Variants in RUNX3 observed in about 807,000 individuals in gnomAD.
RUNX3 encodes runt-related transcription factor 3.
A neutral mutation model predicts 27.7 loss-of-function variants in RUNX3; 10 were observed. The ratio of observed to expected loss-of-function variants is 0.36; its 90% CI spans 0.22 to 0.61. The LOEUF (loss-of-function observed/expected upper bound fraction) is 0.61, where lower values mean the gene tolerates loss of function less well. Ranked by LOEUF, RUNX3 falls within the 20% of genes least tolerant of loss-of-function variation. RUNX3 has a pLI of 0.72. For synonymous variants in RUNX3, 270 were observed against 269.2 expected (o/e 1.00, Z -0.03); for missense variants, 469 against 629.5 (o/e 0.75, Z 2.73).
At chr1:24,907,998 T>TAAACCTCTACAACACGCGGTGATCC (rs1557837107) in intron 3 of RUNX3, among the ~76,000 whole-genome samples, 1 of 139,072 alleles carries the variant, frequency 7.2e-6, no homozygotes, top group Non-Finnish European at 1.6e-5. Context: ...CGCGGTGATC[T>TAAACCTCTACAACACGCGGTGATCC]AAACCTCTAC....
Position 24,952,871 on chromosome 1 carries a change from A to T in RUNX3, c.58+11643T>A, listed in dbSNP as rs1248065859. Among the ~76,000 whole-genome samples, 4 of 152,354 alleles carry T rather than the reference A, an allele frequency of 2.6e-5. No homozygotes were observed. In the East Asian group the frequency reaches 5.8e-4, roughly 22 times the overall value. On this transcript the variant is annotated intron_variant, in intron 2 of 6. Transcript: ENST00000338888. ...CTAAACCCCACATTCGTTCTTCTGT[A>T]TGTTGACTGGAAAAGTAAAAATAGA... is the stretch of plus-strand genomic sequence containing the variant.
chr1:24,914,149 T>C (rs1640843463), intron 3 of RUNX3, among the ~76,000 whole-genome samples: 1 of 152,230 alleles, frequency 6.6e-6, no homozygotes, highest in Admixed American at 6.5e-5. Flanking sequence ...CTGGGTCACC[T>C]GGCCGTAAGG....
upstream of RUNX3, among the ~76,000 whole-genome samples, chr1:24,932,464 A>G (rs1158028794): frequency 9.2e-5 from 14 of 152,162 alleles, 1 homozygote; most frequent in Middle Eastern, 3.4e-3. Context: ...CGGCCGGGCT[A>G]CAGATGCGCG....
At position 24,904,301 on chromosome 1, in the gene RUNX3, G is replaced by A. The variant is rs1001142199; in HGVS notation, c.704-1635C>T. Among the ~76,000 whole-genome samples, 1 of 152,246 alleles carries A rather than the reference G, an allele frequency of 6.6e-6. No individual in the cohort carries two copies. Among genetic ancestry groups the A allele is most frequent in the African/African-American group, 2.4e-5 (1 of 41,466 alleles). ...GACTTGGAACTTCTCGGGGCTTTGG[G>A]GTCTTCCCAAGTCAGCTGGGGTATG... On this transcript the variant is annotated intron_variant, in intron 4 of 4. Coordinates refer to ENST00000308873, the MANE Select transcript of RUNX3 (RefSeq NM_004350.3). The surrounding 1 kb of genome is among the most constrained non-coding windows in gnomAD (Gnocchi z 5.7).
chr1:24,920,251 T>G (rs999109168), intron 2 of RUNX3, among the ~76,000 whole-genome samples: 1 of 152,012 alleles, frequency 6.6e-6, no homozygotes, highest in African/African-American at 2.4e-5. Context: ...AAAATGAAAG[T>G]GACCTTCTGT....
At chr1:24,937,730 G>T (rs1340765553) in intron 2 of RUNX3, among the ~76,000 whole-genome samples, 1 of 152,232 alleles carries the variant, frequency 6.6e-6, no homozygotes, top group African/African-American at 2.4e-5. Context: ...TGAGGCCAGA[G>T]AAGTGAAGGT....
chr1:24,926,161 C>T (rs111802397), intron 2 of RUNX3, among the ~76,000 whole-genome samples: 3,488 of 152,292 alleles, frequency 0.023, 49 homozygotes, highest in Non-Finnish European at 0.038. Flanking sequence ...GCAGACCTGG[C>T]CACTGCCCCG....
chr1:24,953,321 G>A (rs1446087808), intron 2 of RUNX3, among the ~76,000 whole-genome samples: 3 of 122,766 alleles, frequency 2.4e-5, no homozygotes, highest in Admixed American at 2.1e-4. Flanking sequence ...GTGCGATTGC[G>A]CCACTGCACG....
At chr1:24,947,507 A>G (rs1392578259) in intron 2 of RUNX3, among the ~76,000 whole-genome samples, 1 of 152,096 alleles carries the variant, frequency 6.6e-6, no homozygotes, top group Non-Finnish European at 1.5e-5. Flanking sequence ...AGCTCACCAC[A>G]AGCAGCCAAG....
In RUNX3 at chr1:24,929,233, C is replaced by T. The variant is rs190085162; in HGVS notation, c.282+354G>A. ...TCGCACCCCACCCGCGGTGTCCTTGCCCCTGTCCCGGGATCCTCTTCTCCG... is the reference window on the plus strand; with the variant it reads ...TCGCACCCCACCCGCGGTGTCCTTGTCCCTGTCCCGGGATCCTCTTCTCCG... On this transcript the variant is annotated intron_variant, in intron 1 of 4. Transcript: ENST00000308873. 170 of 537,432 alleles carry T rather than the reference C, an allele frequency of 3.2e-4. No homozygotes were observed. In the East Asian group the frequency reaches 7.3e-3, roughly 23 times the overall value. 33.3% of individuals were successfully genotyped at this position (537,432 alleles called of 1,614,324 possible).
chr1:24,939,043 CT>C (rs1407815552), intron 2 of RUNX3, among the ~76,000 whole-genome samples: 7 of 152,160 alleles, frequency 4.6e-5, no homozygotes, highest in African/African-American at 1.7e-4. Context: ...CGCATTTGGG[CT>C]GTGTCAGTGT....
intron 2 of RUNX3, among the ~76,000 whole-genome samples, chr1:24,922,276 C>T (rs763162484): frequency 2.1e-4 from 32 of 151,606 alleles, no homozygotes; most frequent in Non-Finnish European, 5.9e-5. Flanking sequence ...CTGCCTTGGC[C>T]TCCCAAAGTG....
In RUNX3 at chr1:24,902,384, G is replaced by A. The variant is rs1460064918; in HGVS notation, c.986C>T (p.Pro329Leu). 2 of 1,612,600 alleles carry A rather than the reference G, an allele frequency of 1.2e-6. No homozygotes were observed. Among genetic ancestry groups the A allele is most frequent in the Non-Finnish European group, 1.7e-6 (2 of 1,179,888 alleles). The change falls in exon 5 of 5, where the codon CCC (proline) becomes CTC (leucine). Residue 329 changes from proline (P) to leucine (L), a missense_variant. By Grantham distance (98) the Pro-to-Leu change is moderately conservative. Coordinates refer to ENST00000308873, the MANE Select transcript of RUNX3 (RefSeq NM_004350.3). This position sits in a 1 kb window ranked among gnomAD's most constrained non-coding sequence, Gnocchi z 9.2. ...GGATGTCCCGTAGTAGAGGTGGTAG[G>A]GGGACGGGTTGGCCTGGAAGGGCCC... ...QSGPFQANPS[P>L]YHLYYGTSSG...
intron 2 of RUNX3, among the ~76,000 whole-genome samples, chr1:24,920,677 C>T (rs914748198): frequency 2.0e-5 from 3 of 152,166 alleles, no homozygotes; most frequent in South Asian, 2.1e-4. Flanking sequence ...TCAGTTTCCC[C>T]GGGCACAGGC....
intron 2 of RUNX3, among the ~76,000 whole-genome samples, chr1:24,944,342 A>C (rs1001425118): frequency 1.5e-4 from 23 of 151,852 alleles, no homozygotes; most frequent in Admixed American, 1.3e-3. Context: ...GCTGCCCTTT[A>C]CCTGGAAAAC....
exon 2 of RUNX3, chr1:24,964,573 C>A: frequency 1.2e-6 from 2 of 1,610,080 alleles, no homozygotes; most frequent in South Asian, 1.1e-5. Context: ...CGATGCCATG[C>A]CCCGCTCTGA....
intron 2 of RUNX3, among the ~76,000 whole-genome samples, chr1:24,926,299 A>G (rs1419703525): frequency 6.6e-6 from 1 of 152,266 alleles, no homozygotes; most frequent in African/African-American, 2.4e-5. Context: ...GAGACTAATT[A>G]GGAGCAGCAA....
At chr1:24,948,963 C>A (rs12117277) in intron 2 of RUNX3, among the ~76,000 whole-genome samples, 6 of 151,836 alleles carry the variant, frequency 4.0e-5, no homozygotes, top group Non-Finnish European at 7.4e-5. Context: ...CTGCTTGCCC[C>A]TGTGATACAA....
intron 3 of RUNX3, among the ~76,000 whole-genome samples, chr1:24,917,882 A>G (rs368143789): frequency 3.3e-5 from 5 of 152,256 alleles, no homozygotes; most frequent in East Asian, 1.9e-4. Flanking sequence ...CAGTTCTCAG[A>G]TGACAAAACT....
Sources: gnomAD v4.1 joint callset for allele counts (sites outside exome capture counted in the v4.1 genomes callset) on GRCh38, gnomAD v4.1.1 for gene constraint, Gnocchi (gnomAD v3.1) non-coding constraint, MANE v1.5 for transcripts, NCBI Gene and HGNC (gene_info 2026-07-23, HGNC 2026-07-21) for gene names.